ITPR1: variants seen among roughly 807,000 people sequenced by gnomAD.
ITPR1 encodes inositol 1,4,5-trisphosphate receptor type 1, also known as inositol 1,4,5-trisphosphate-gated calcium channel ITPR1.
In ITPR1, 96 loss-of-function variants were observed where a neutral mutation model predicts 318.4. That is an observed-to-expected ratio of 0.30 (90% CI 0.26 to 0.36). ITPR1 has a LOEUF of 0.36. Among genes scored for constraint, ITPR1 ranks in the 10% least tolerant of loss-of-function variants. ITPR1 has a pLI of 1.00. For missense variants in ITPR1, 2,440 were observed against 3,460.2 expected (o/e 0.71, Z 7.40); for synonymous variants, 1,312 against 1,289.9 (o/e 1.02, Z -0.37).
chr3:4,508,982 A>T (rs2081600053), intron 2 of ITPR1, among the ~76,000 whole-genome samples: 1 of 152,230 alleles, frequency 6.6e-6, no homozygotes, highest in African/African-American at 2.4e-5. Context: ...ACATTCATCA[A>T]GTAGAGGAAT....
At position 4,706,288 on chromosome 3, in the gene ITPR1, C is replaced by G. The variant is rs371821418; in HGVS notation, c.4779C>G (p.Ala1593=). ...ACTGGCGGCTCTCAGCCCGCAATGC[C>G]GCACGCAGGGACTCTGTTCTGGCAG... ...AMNWRLSARN[A]ARRDSVLAAS... is the part of the protein sequence containing the mutation. The change falls in exon 37 of 62, where the codon GCC becomes GCG. Residue 1593 remains alanine, a synonymous_variant. Coordinates refer to ENST00000649015, the MANE Select transcript of ITPR1 (RefSeq NM_001378452.1). The G allele has an allele frequency of 6.2e-7, 1 of 1,614,004 alleles. No homozygotes were observed. The highest frequency in any genetic ancestry group is 1.7e-5 in the Admixed American group (1 of 60,028).
chr3:4,665,442 A>T (rs750542945), intron 17 of ITPR1, 146 bp downstream of exon 17: 1 of 662,030 alleles, frequency 1.5e-6, no homozygotes, highest in South Asian at 2.9e-5. Context: ...GGAAGGAAAC[A>T]CAAGCCCAGG....
At chr3:4,604,877 G>A (rs1214316223) in intron 4 of ITPR1, among the ~76,000 whole-genome samples, 3 of 152,134 alleles carry the variant, frequency 2.0e-5, no homozygotes, top group African/African-American at 7.2e-5. Context: ...CCTCAGATAT[G>A]ATGCCCGGGG....
Position 4,522,280 on chromosome 3 carries a change from G to A in ITPR1, c.163+1186G>A, listed in dbSNP as rs183894879. ...CCACTGGGTTAGGTATTTGACTGAT[G>A]ACTTCAGTCCCAAAGGGCTCAAATC... On this transcript the variant is annotated intron_variant, in intron 4 of 61. Transcript: ENST00000649015. Among the ~76,000 whole-genome samples the A allele has an allele frequency of 5.3e-4, 80 of 152,302 alleles. 1 individual carries two copies. Among genetic ancestry groups the A allele is most frequent in the African/African-American group, 1.9e-3 (79 of 41,564 alleles).
chr3:4,667,235 T>G, intron 17 of ITPR1, 142 bp from the exon 18 acceptor site: 2 of 529,294 alleles, frequency 3.8e-6, no homozygotes, highest in Non-Finnish European at 6.3e-6. Context: ...GATAGAAAGT[T>G]GTAGGAAGAC....
chr3:4,507,900 C>A (rs1423933905), intron 2 of ITPR1, among the ~76,000 whole-genome samples: 2 of 152,142 alleles, frequency 1.3e-5, no homozygotes, highest in East Asian at 3.8e-4. Flanking sequence ...TCTGTGCTAG[C>A]CAGCTTCACT....
chr3:4,592,374 T>C (rs1485264189), intron 4 of ITPR1, among the ~76,000 whole-genome samples: 1 of 152,230 alleles, frequency 6.6e-6, no homozygotes, highest in Non-Finnish European at 1.5e-5. Flanking sequence ...CAAATTTTGC[T>C]CATGAAGTAT....
intron 2 of ITPR1, among the ~76,000 whole-genome samples, chr3:4,516,094 T>A (rs1283874148): frequency 6.6e-6 from 1 of 152,216 alleles, no homozygotes; most frequent in Non-Finnish European, 1.5e-5. Flanking sequence ...TTGAATATGT[T>A]AATGTTTCAT....
rs550249637 is a variant in ITPR1, at chr3:4,624,397, A to G, written c.164-3366A>G. Among the ~76,000 whole-genome samples the G allele has an allele frequency of 1.3e-3, 200 of 152,264 alleles. 1 individual carries two copies. Among genetic ancestry groups the G allele is most frequent in the African/African-American group, 4.3e-3 (179 of 41,538 alleles). On this transcript the variant is annotated intron_variant, in intron 4 of 61. Transcript: ENST00000649015. ...AGATTAAGATTAAACAGTAAGGTGC[A>G]GTGTCTCACGCCTGTAATCCCAGCA...
In ITPR1 at chr3:4,814,449, C is replaced by T; in HGVS notation, c.7588C>T (p.Gln2530Ter). 1 of 1,613,934 alleles carries T rather than the reference C, an allele frequency of 6.2e-7. No individual in the cohort carries two copies. The highest frequency in any genetic ancestry group is 8.5e-7 in the Non-Finnish European group (1 of 1,179,876). Residue 2530 changes from glutamine (Q) to a stop codon, truncating the protein, a stop_gained, in exon 58 of 62, where the codon CAG becomes TAG. Transcript: ENST00000649015. LOFTEE classifies it high-confidence loss of function. ...EELVPAEETE[Q>*]DKEHTCETLL... Reference sequence around the variant, plus strand: ...GCTGGTCCCTGCAGAAGAGACGGAACAGGATAAAGAGCACACATGTGAGAC... The same window carrying T: ...GCTGGTCCCTGCAGAAGAGACGGAATAGGATAAAGAGCACACATGTGAGAC...
At chr3:4,500,971 G>A (rs966755721) in intron 2 of ITPR1, among the ~76,000 whole-genome samples, 12 of 151,926 alleles carry the variant, frequency 7.9e-5, no homozygotes, top group South Asian at 2.1e-4. Flanking sequence ...CTCTCACCTC[G>A]GTCTCCTGAG....
At chr3:4,787,252 A>T (rs1271780507) in intron 51 of ITPR1, among the ~76,000 whole-genome samples, 3 of 144,614 alleles carry the variant, frequency 2.1e-5, no homozygotes, top group Non-Finnish European at 3.0e-5. Flanking sequence ...TTAGAAATTA[A>T]TGGGTTCACA....
chr3:4,747,669 G>A (rs576415112), intron 44 of ITPR1, among the ~76,000 whole-genome samples: 115 of 152,270 alleles, frequency 7.6e-4, no homozygotes, highest in South Asian at 2.9e-3. Flanking sequence ...TTCAGACTGG[G>A]CATCTCATTT....
At chr3:4,777,060 T>A (rs574904685) in intron 47 of ITPR1, among the ~76,000 whole-genome samples, 8 of 152,370 alleles carry the variant, frequency 5.3e-5, no homozygotes, top group Non-Finnish European at 7.3e-5. Context: ...GGGACTTTCC[T>A]ACTGTTTACT....
In ITPR1 at chr3:4,512,078, C is replaced by A. The variant is rs147519739; in HGVS notation, c.-16-4398C>A. On this transcript the variant is annotated intron_variant, in intron 2 of 61. Transcript: ENST00000649015. The stretch of plus-strand genomic sequence containing the variant: ...TCACAGCTCACTGCAGCCTGGAGCT[C>A]CCAGGCTCAAGTGATCCTCCCAAGT... Among the ~76,000 whole-genome samples the A allele has an allele frequency of 5.3e-4, 81 of 152,214 alleles. 1 individual carries two copies. In the East Asian group the frequency reaches 0.013, roughly 25 times the overall value.
chr3:4,595,866 A>T (rs952000659), intron 4 of ITPR1, among the ~76,000 whole-genome samples: 1 of 152,138 alleles, frequency 6.6e-6, no homozygotes, highest in Non-Finnish European at 1.5e-5. Flanking sequence ...GTTCTTAAGA[A>T]ATCAGAAAGG....
At chr3:4,545,559 G>C (rs1270868553) in intron 4 of ITPR1, among the ~76,000 whole-genome samples, 1 of 148,580 alleles carries the variant, frequency 6.7e-6, no homozygotes, top group Admixed American at 6.7e-5. Flanking sequence ...GGAGACTGAA[G>C]CTGAAGTGAG....
intron 51 of ITPR1, among the ~76,000 whole-genome samples, chr3:4,784,578 T>C (rs941528998): frequency 8.8e-5 from 13 of 147,858 alleles, no homozygotes; most frequent in Non-Finnish European, 2.0e-4. Context: ...TTTTTTTTTT[T>C]TTTTAAAAAA....
At chr3:4,615,442 T>A (rs1205537424) in intron 4 of ITPR1, among the ~76,000 whole-genome samples, 1 of 150,050 alleles carries the variant, frequency 6.7e-6, no homozygotes, top group Non-Finnish European at 1.5e-5. Context: ...AATGGCACGA[T>A]CTCGTCTCAC....
Sources: gnomAD v4.1 joint callset for allele counts (sites outside exome capture counted in the v4.1 genomes callset) on GRCh38, gnomAD v4.1.1 for gene constraint, MANE v1.5 for transcripts, NCBI Gene and HGNC (gene_info 2026-07-23, HGNC 2026-07-21) for gene names.